The following SUPT3H variants were observed in gnomAD, a reference collection of about 807,000 sequenced individuals.
The protein encoded by SUPT3H is transcription initiation protein SPT3 homolog.
A neutral mutation model predicts 44.3 loss-of-function variants in SUPT3H; 44 were observed. The ratio of observed to expected loss-of-function variants is 0.99; its 90% CI spans 0.78 to 1.28. The LOEUF is 1.28. SUPT3H is among the 50% of genes most tolerant of loss of function. SUPT3H has a pLI of 0.00. For missense variants in SUPT3H, 380 were observed against 387.1 expected (o/e 0.98, Z 0.15); for synonymous variants, 124 against 125.6 (o/e 0.99, Z 0.09).
intron 3 of SUPT3H, among the ~76,000 whole-genome samples, chr6:45,081,084 T>C: frequency 6.6e-6 from 1 of 151,710 alleles, no homozygotes; most frequent in Middle Eastern, 3.4e-3. Context: ...TATACAACTA[T>C]GTATCCACAA....
intron 2 of SUPT3H, among the ~76,000 whole-genome samples, chr6:45,275,383 AG>A (rs1364503595): frequency 1.3e-5 from 2 of 152,158 alleles, no homozygotes; most frequent in African/African-American, 4.8e-5. Flanking sequence ...TTTTAGAAAA[AG>A]AAAAAATCAT....
intron 10 of SUPT3H, among the ~76,000 whole-genome samples, chr6:44,906,456 T>G (rs1766094708): frequency 6.6e-6 from 1 of 152,172 alleles, no homozygotes; most frequent in Admixed American, 6.6e-5. Flanking sequence ...ATATCTCAGT[T>G]TTCTTACCTA....
chr6:45,012,747 T>C (rs972866482), intron 5 of SUPT3H, among the ~76,000 whole-genome samples: 2 of 152,130 alleles, frequency 1.3e-5, no homozygotes, highest in African/African-American at 4.8e-5. Flanking sequence ...TTTGTTGTTG[T>C]TGTTGAAAAG....
At chr6:44,824,792 C>T (rs1370613329), downstream of SUPT3H, among the ~76,000 whole-genome samples, 1 of 152,166 alleles carries the variant, frequency 6.6e-6, no homozygotes, top group Non-Finnish European at 1.5e-5. Flanking sequence ...GGAAAACTAT[C>T]CTTTGTAATT....
At chr6:44,887,023 G>A (rs1468227635) in intron 10 of SUPT3H, among the ~76,000 whole-genome samples, 1 of 152,076 alleles carries the variant, frequency 6.6e-6, no homozygotes, top group African/African-American at 2.4e-5. Context: ...GACAAAGAAG[G>A]CCATTACATA....
intron 6 of SUPT3H, 137 bp from the exon 7 acceptor site, chr6:44,961,965 C>T (rs573030819): frequency 2.3e-4 from 126 of 542,934 alleles, no homozygotes; most frequent in East Asian, 6.3e-4. Context: ...ACATAGATCA[C>T]GATACATAAA....
At chr6:45,249,901 A>T (rs1379150429) in intron 2 of SUPT3H, among the ~76,000 whole-genome samples, 1 of 152,170 alleles carries the variant, frequency 6.6e-6, no homozygotes, top group East Asian at 1.9e-4. Flanking sequence ...CTCAAACCTT[A>T]TACCAGATCC....
rs1013048132 is a variant in SUPT3H at position 45,343,360 on chromosome 6, C to G, written c.101+21841G>C. Among the ~76,000 whole-genome samples, 5 of 152,060 alleles carry G rather than the reference C, an allele frequency of 3.3e-5. No homozygotes were observed. The South Asian group carries it at 1.0e-3, about 32-fold the overall frequency. On this transcript the variant is annotated intron_variant, in intron 2 of 10. Transcript: ENST00000371459. ...TACTAAAGGTCCCTAAAGTTGTTCA[C>G]TTGATCTGTTTCAGAGTTCTGATAC...
In SUPT3H at chr6:45,353,316, T is replaced by G. The variant is rs116456880; in HGVS notation, c.101+11885A>C. Among the ~76,000 whole-genome samples, 1,247 of 151,890 alleles carry G rather than the reference T, an allele frequency of 8.2e-3. 16 individuals are homozygous for G. Among genetic ancestry groups the G allele is most frequent in the African/African-American group, 0.028 (1,170 of 41,442 alleles). ...ATTCCTAAAAATTCATCTGGAAAAA[T>G]AAAAATAGGAAAAGAGTCAAAAATA... On this transcript the variant is annotated intron_variant, in intron 2 of 10. Transcript: ENST00000371459.
chr6:45,218,768 A>G (rs1765508377), intron 2 of SUPT3H, among the ~76,000 whole-genome samples: 2 of 152,166 alleles, frequency 1.3e-5, no homozygotes, highest in South Asian at 4.1e-4. Context: ...CATCAAGAAT[A>G]TAGAAAATCT....
At chr6:44,859,145 C>G (rs1483327024) in intron 10 of SUPT3H, among the ~76,000 whole-genome samples, 1 of 152,200 alleles carries the variant, frequency 6.6e-6, no homozygotes, top group Non-Finnish European at 1.5e-5. Context: ...AGTCTGTTCT[C>G]AAGTTGCCTA....
intron 6 of SUPT3H, among the ~76,000 whole-genome samples, chr6:44,975,626 G>C (rs899432810): frequency 8.8e-6 from 1 of 112,998 alleles, no homozygotes; most frequent in African/African-American, 3.5e-5. Context: ...CTTGGGTACA[G>C]TGTACACTGC....
At chr6:44,872,776 T>G (rs1337449388) in intron 10 of SUPT3H, among the ~76,000 whole-genome samples, 5 of 48,686 alleles carry the variant, frequency 1.0e-4, no homozygotes, top group African/African-American at 2.7e-4. Flanking sequence ...GAGACACACA[T>G]AGGCTCAAAA....
At chr6:45,086,868 T>G (rs1796534312) in intron 3 of SUPT3H, among the ~76,000 whole-genome samples, 1 of 151,940 alleles carries the variant, frequency 6.6e-6, no homozygotes, top group Admixed American at 6.6e-5. Flanking sequence ...TCAGTAATAG[T>G]GAACACTAGG....
chr6:45,166,610 G>A (rs1382750490), intron 2 of SUPT3H, among the ~76,000 whole-genome samples: 14 of 148,904 alleles, frequency 9.4e-5, no homozygotes, highest in Non-Finnish European at 1.8e-4. Flanking sequence ...AAAGAGGGGA[G>A]AGAAAAGGAG....
intron 3 of SUPT3H, among the ~76,000 whole-genome samples, chr6:45,102,869 T>C (rs1026206171): frequency 6.6e-5 from 10 of 151,204 alleles, no homozygotes; most frequent in South Asian, 2.1e-4. Flanking sequence ...AACCCAGGAG[T>C]TGGAGATTGT....
chr6:45,196,706 C>G (rs115612807), intron 2 of SUPT3H, among the ~76,000 whole-genome samples: 2 of 151,924 alleles, frequency 1.3e-5, no homozygotes, highest in Non-Finnish European at 2.9e-5. Flanking sequence ...GAATATTATG[C>G]TTTCTGGATA....
intron 10 of SUPT3H, among the ~76,000 whole-genome samples, chr6:44,891,299 C>T (rs890700946): frequency 6.6e-6 from 1 of 152,070 alleles, no homozygotes; most frequent in Non-Finnish European, 1.5e-5. Flanking sequence ...AAAGCAGGAA[C>T]TCAGATACTG....
chr6:45,113,489 TGA>T lies in SUPT3H; in HGVS notation c.102-7485_102-7484del, dbSNP rs1424688261. On this transcript the variant is annotated intron_variant, in intron 2 of 10. Transcript: ENST00000371459. Reference sequence around the variant, plus strand: ...ACCCACCTGTTTTCAAAGGAAGAAATGAATTTTATTAACAATAGCTCTAAGAA... The same window carrying T: ...ACCCACCTGTTTTCAAAGGAAGAAATATTTTATTAACAATAGCTCTAAGAA... Among the ~76,000 whole-genome samples the T allele has an allele frequency of 5.9e-5, 9 of 152,290 alleles. No homozygotes were observed. In the East Asian group the frequency reaches 1.7e-3, roughly 29 times the overall value.
Sources: gnomAD v4.1 joint callset for allele counts (sites outside exome capture counted in the v4.1 genomes callset) on GRCh38, gnomAD v4.1.1 for gene constraint, MANE v1.5 for transcripts, NCBI Gene and HGNC (gene_info 2026-07-23, HGNC 2026-07-21) for gene names.